The following LVRN variants were observed in gnomAD, a reference collection of about 807,000 sequenced individuals.
The protein encoded by LVRN is laeverin.
Under a neutral mutation model 111.4 loss-of-function variants are expected in LVRN, and 99 were observed. The ratio of observed to expected loss-of-function variants is 0.89; its 90% CI spans 0.76 to 1.05. The LOEUF is 1.05. LVRN is among the 50% of genes least tolerant of loss of function. LVRN has a pLI of 0.00. For missense variants in LVRN, 1,414 were observed against 1,206.8 expected (o/e 1.17, Z -2.54); for synonymous variants, 488 against 449.5 (o/e 1.09, Z -1.08).
chr5:116,004,829 T>C (rs1190323658), intron 12 of LVRN, among the ~76,000 whole-genome samples: 1 of 152,206 alleles, frequency 6.6e-6, no homozygotes, highest in African/African-American at 2.4e-5. Flanking sequence ...ATATGTATTA[T>C]GTTTAACAGA....
intron 1 of LVRN, among the ~76,000 whole-genome samples, chr5:115,967,237 G>A (rs548002625): frequency 5.3e-5 from 8 of 152,232 alleles, no homozygotes; most frequent in African/African-American, 1.9e-4. Flanking sequence ...CCAAGCCCTA[G>A]GTTCTGCAGA....
intron 13 of LVRN, among the ~76,000 whole-genome samples, chr5:116,009,071 A>G (rs974082752): frequency 5.9e-5 from 9 of 152,318 alleles, no homozygotes; most frequent in Non-Finnish European, 1.2e-4. Context: ...TTAGGGGCTA[A>G]TGCAGCTGGT....
intron 1 of LVRN, among the ~76,000 whole-genome samples, chr5:115,968,245 A>G (rs1753243577): frequency 7.5e-6 from 1 of 133,476 alleles, no homozygotes; most frequent in Non-Finnish European, 1.6e-5. Context: ...TTTTTTATCA[A>G]GTTGAGAAAG....
At chr5:115,971,514 A>G (rs923883738) in intron 1 of LVRN, among the ~76,000 whole-genome samples, 1 of 152,146 alleles carries the variant, frequency 6.6e-6, no homozygotes, top group African/African-American at 2.4e-5. Flanking sequence ...GGTATGGATT[A>G]AAGAGTTTTT....
intron 6 of LVRN, among the ~76,000 whole-genome samples, chr5:115,997,423 G>T (rs1326291113): frequency 6.6e-6 from 1 of 152,080 alleles, no homozygotes. Flanking sequence ...CAACACTTTG[G>T]GAGGCCAAGG....
At position 116,015,784 on chromosome 5, in the gene LVRN, C is replaced by T. The variant is rs761919688; in HGVS notation, c.2756+19C>T. 10 of 1,610,946 alleles carry T rather than the reference C, an allele frequency of 6.2e-6. No homozygotes were observed. Among genetic ancestry groups the T allele is most frequent in the Non-Finnish European group, 8.5e-6 (10 of 1,178,506 alleles). The stretch of plus-strand genomic sequence containing the variant: ...GTAAAAGGTAAGAAGGAAAGTGAGA[C>T]CTTTCTTTCATTTAGGCCACTGGTT... On this transcript the variant is annotated intron_variant, in intron 18 of 19. Transcript: ENST00000357872.
In LVRN at chr5:115,963,142, C is replaced by G. The variant is rs756467278; in HGVS notation, c.525C>G (p.Pro175=). The G allele has an allele frequency of 1.2e-5, 20 of 1,613,114 alleles. No individual in the cohort carries two copies. The highest frequency in any genetic ancestry group is 1.6e-5 in the Non-Finnish European group (19 of 1,179,834). The change falls in exon 1 of 20, where the codon CCC becomes CCG. Residue 175 remains proline, a synonymous_variant. Transcript: ENST00000357872. ...GTGNATVGRV[P]VDDVWFALDT... ...GGAACGCCACAGTGGGCCGCGTGCC[C>G]GTGGACGACGTGTGGTTCGCGCTGG... is the stretch of plus-strand genomic sequence containing the variant.
intron 19 of LVRN, 75 bp from the exon 20 acceptor site, chr5:116,025,903 C>T: frequency 1.9e-6 from 3 of 1,570,262 alleles, no homozygotes; most frequent in Non-Finnish European, 2.6e-6. Flanking sequence ...CATGTTGCTA[C>T]TTAGCATTTA....
chr5:115,984,458 A>T, intron 2 of LVRN, 112 bp from the exon 3 acceptor site: 1 of 1,303,214 alleles, frequency 7.7e-7, no homozygotes, highest in South Asian at 1.4e-5. Flanking sequence ...CTGCTAGACT[A>T]TGAGGAATAG....
rs773848303 is a variant in LVRN, at chr5:116,000,448, C to T, written c.1531C>T (p.Arg511Trp). The T allele has an allele frequency of 4.3e-6, 7 of 1,614,074 alleles. No individual in the cohort carries two copies. Among genetic ancestry groups the T allele is most frequent in the Admixed American group, 1.7e-5 (1 of 60,008 alleles). The change falls in exon 8 of 20, where the codon CGG becomes TGG. Residue 511 changes from arginine to tryptophan, a missense_variant. Transcript: ENST00000357872. ...FTYSKGASMA[R>W]MLSCFLNEHL... ...TTTGTCCTAGGGAGCGTCTATGGCC[C>T]GGATGCTTTCTTGTTTCTTGAATGA...
In LVRN at chr5:116,005,981, C is replaced by T; in HGVS notation, c.2093+14C>T. ...TTCCTTGTCTAAGTGAGTATATTTT[C>T]TTCTCTCATGGTTTCAGAATATACC... On this transcript the variant is annotated intron_variant, in intron 13 of 19. Coordinates refer to ENST00000357872, the MANE Select transcript of LVRN (RefSeq NM_173800.5). 1 of 1,577,436 alleles carries T rather than the reference C, an allele frequency of 6.3e-7. No individual in the cohort carries two copies. The highest frequency in any genetic ancestry group is 2.2e-5 in the East Asian group (1 of 44,616).
chr5:115,965,062 T>C (rs545279842), intron 1 of LVRN, among the ~76,000 whole-genome samples: 1 of 152,368 alleles, frequency 6.6e-6, no homozygotes, highest in South Asian at 2.1e-4. Context: ...TCTGAGTCTG[T>C]TTCCTCATTC....
intron 12 of LVRN, 89 bp from the exon 13 acceptor site, chr5:116,005,823 G>A: frequency 9.5e-7 from 1 of 1,048,966 alleles, no homozygotes; most frequent in Non-Finnish European, 1.5e-6. Context: ...TTTATAGGCA[G>A]CAGTAATCTT....
In LVRN at chr5:115,963,085, C is replaced by T. The variant is rs1387752647; in HGVS notation, c.468C>T (p.Ala156=). 3 of 1,613,538 alleles carry T rather than the reference C, an allele frequency of 1.9e-6. No individual in the cohort carries two copies. The African/African-American group carries it at 4.0e-5, about 22-fold the overall frequency. Residue 156 remains alanine (A), a synonymous_variant, in exon 1 of 20, where the codon GCC becomes GCT. Transcript: ENST00000357872. ...GCCTCTTCCAGGACTGCGAGCGCGC[C>T]GAGGTGCGGGGACCCCTTTCCCCGG... The part of the protein sequence containing the change: ...LHSLFQDCER[A]EVRGPLSPGT...
intron 1 of LVRN, among the ~76,000 whole-genome samples, chr5:115,972,975 C>T (rs1753359739): frequency 6.6e-6 from 1 of 151,718 alleles, no homozygotes; most frequent in South Asian, 2.1e-4. Context: ...GGTGCCCAGG[C>T]TGGAGTGCAG....
At chr5:115,988,078 A>G (rs1229869836) in intron 4 of LVRN, 139 bp downstream of exon 4, 9 of 1,158,172 alleles carry the variant, frequency 7.8e-6, no homozygotes, top group Non-Finnish European at 1.1e-5. Context: ...CTCCTGACCT[A>G]TGCCTTATAC....
At chr5:115,966,684 G>A (rs192550612) in intron 1 of LVRN, among the ~76,000 whole-genome samples, 67 of 152,236 alleles carry the variant, frequency 4.4e-4, no homozygotes, top group African/African-American at 1.4e-3. Flanking sequence ...TCATTGCTGC[G>A]TCATATGGTA....
chr5:116,003,228 T>C lies in LVRN; in HGVS notation c.1898-13T>C, dbSNP rs749532168. ...AATGTACCATTTCAAATTATTCCCA[T>C]ATTCCTTTATAGAAGTATTCCCAGA... On this transcript the variant is annotated splice_polypyrimidine_tract_variant and intron_variant, in intron 11 of 19. Coordinates refer to ENST00000357872, the MANE Select transcript of LVRN (RefSeq NM_173800.5). 6.4e-7 allele frequency: 1 copy of C among 1,564,524 alleles called. No homozygotes were observed. The highest frequency in any genetic ancestry group is 8.7e-7 in the Non-Finnish European group (1 of 1,153,512).
intron 6 of LVRN, among the ~76,000 whole-genome samples, chr5:115,998,467 G>T (rs1455443564): frequency 6.6e-6 from 1 of 152,248 alleles, no homozygotes; most frequent in Non-Finnish European, 1.5e-5. Context: ...GGATGAAAAA[G>T]AACTACACTA....
Sources: allele counts gnomAD v4.1 joint callset (sites outside exome capture counted in the v4.1 genomes callset), GRCh38; gene constraint gnomAD v4.1.1; transcripts MANE v1.5; gene names NCBI Gene and HGNC (gene_info 2026-07-23, HGNC 2026-07-21).